Variants in SMYD3 observed in about 807,000 individuals in gnomAD.
SMYD3 encodes the protein histone-lysine N-methyltransferase SMYD3.
A neutral mutation model predicts 57.7 loss-of-function variants in SMYD3; 36 were observed. The ratio of observed to expected loss-of-function variants is 0.62; its 90% CI spans 0.48 to 0.82. The LOEUF (loss-of-function observed/expected upper bound fraction) is 0.82. Ranked by LOEUF, SMYD3 falls within the 40% of genes least tolerant of loss-of-function variation. SMYD3 has a pLI of 0.00. For synonymous variants in SMYD3, 211 were observed against 195.0 expected, an observed-to-expected ratio of 1.08 and a Z score of -0.68; for missense variants, 515 against 538.8, an observed-to-expected ratio of 0.96 and a Z score of 0.44.
chr1:246,009,691 TA>T (rs1189012458), intron 5 of SMYD3, among the ~76,000 whole-genome samples: 3 of 151,644 alleles, frequency 2.0e-5, no homozygotes, highest in Non-Finnish European at 2.9e-5. Context: ...TCTCCTTATT[TA>T]AAAAAGGAGA....
chr1:246,437,355 C>G (rs1330903673), intron 1 of SMYD3, among the ~76,000 whole-genome samples: 2 of 152,212 alleles, frequency 1.3e-5, no homozygotes, highest in African/African-American at 4.8e-5. Context: ...TGCCAGCCCA[C>G]ATGCAGCATC....
intron 5 of SMYD3, among the ~76,000 whole-genome samples, chr1:246,190,382 C>T (rs113181050): frequency 0.014 from 2,072 of 152,078 alleles, 38 homozygotes; most frequent in African/African-American, 0.046. Flanking sequence ...GTCAGGAGTT[C>T]GAGACCAGTC....
chr1:245,863,808 C>T lies in SMYD3; in HGVS notation c.892G>A (p.Ala298Thr). 6.2e-7 allele frequency: 1 copy of T among 1,613,840 alleles called. No homozygotes were observed. The highest frequency in any genetic ancestry group is 8.5e-7 in the Non-Finnish European group (1 of 1,179,760). Residue 298 changes from alanine (A) to threonine (T), a missense_variant, in exon 9 of 12, where the codon GCA becomes ACA. Coordinates refer to ENST00000490107, the MANE Select transcript of SMYD3 (RefSeq NM_001167740.2). ...ESLKKIEELK[A>T]HWKWEQVLAM... ...ACAGGCGAAAGGATACTCCAGTGTG[C>T]CTTCAGTTCTTCAATTTTTTTCAGG...
At chr1:246,308,919 TCCA>T (rs2065030946) in intron 5 of SMYD3, among the ~76,000 whole-genome samples, 2 of 152,284 alleles carry the variant, frequency 1.3e-5, no homozygotes, top group South Asian at 4.1e-4. Context: ...GATTTTATTA[TCCA>T]TCTAAAAAAT....
intron 1 of SMYD3, among the ~76,000 whole-genome samples, chr1:246,441,658 C>T (rs1035851928): frequency 2.0e-5 from 3 of 152,214 alleles, no homozygotes; most frequent in African/African-American, 7.2e-5. Flanking sequence ...GTCGTCCAGC[C>T]TGGAGTGCAG....
intron 7 of SMYD3, among the ~76,000 whole-genome samples, chr1:245,915,942 A>G (rs1331927765): frequency 6.6e-6 from 1 of 152,148 alleles, no homozygotes; most frequent in Admixed American, 6.5e-5. Flanking sequence ...AATATCAAAA[A>G]CTGTTGTATG....
At chr1:245,864,464 CTACAACATGGATGAGG>C (rs1484530382) in intron 8 of SMYD3, among the ~76,000 whole-genome samples, 3 of 152,154 alleles carry the variant, frequency 2.0e-5, no homozygotes, top group Non-Finnish European at 4.4e-5. Flanking sequence ...CTGATACCTG[CTACAACATGGATGAGG>C]CTTGAATACG....
intron 5 of SMYD3, among the ~76,000 whole-genome samples, chr1:246,229,869 T>C (rs1558332200): frequency 6.6e-6 from 1 of 152,118 alleles, no homozygotes; most frequent in Non-Finnish European, 1.5e-5. Context: ...CTTTCAAGCG[T>C]TTTGAGGTAT....
At chr1:245,926,522 G>A (rs1447994591) in intron 7 of SMYD3, among the ~76,000 whole-genome samples, 1 of 152,208 alleles carries the variant, frequency 6.6e-6, no homozygotes, top group African/African-American at 2.4e-5. Context: ...TTTGGCAAGA[G>A]GGAGGATTTG....
At chr1:246,330,392 G>A in intron 4 of SMYD3, 88 bp downstream of exon 4, 1 of 1,083,462 alleles carries the variant, frequency 9.2e-7, no homozygotes, top group Non-Finnish European at 1.3e-6. Flanking sequence ...TAAAGAAACA[G>A]AAAAACATAG....
At chr1:246,500,075 CCTG>C (rs1026227152) in intron 1 of SMYD3, among the ~76,000 whole-genome samples, 1 of 151,724 alleles carries the variant, frequency 6.6e-6, no homozygotes, top group Non-Finnish European at 1.5e-5. Flanking sequence ...GACACTGGGC[CCTG>C]CTGCTGCTGC....
intron 1 of SMYD3, among the ~76,000 whole-genome samples, chr1:246,494,148 C>G (rs1052045804): frequency 6.6e-6 from 1 of 152,186 alleles, no homozygotes; most frequent in African/African-American, 2.4e-5. Flanking sequence ...ATGGGCTCCT[C>G]AAGAGTTGTA....
At chr1:245,907,221 G>A (rs954356915) in intron 8 of SMYD3, among the ~76,000 whole-genome samples, 29 of 152,200 alleles carry the variant, frequency 1.9e-4, no homozygotes, top group African/African-American at 5.3e-4. Context: ...AAATGTAATC[G>A]GATCGTTTGT....
chr1:245,871,449 C>A (rs983201751), intron 8 of SMYD3, among the ~76,000 whole-genome samples: 10 of 152,152 alleles, frequency 6.6e-5, no homozygotes, highest in African/African-American at 1.9e-4. Context: ...AAAAATAGAG[C>A]ATTCACTGTT....
intron 1 of SMYD3, among the ~76,000 whole-genome samples, chr1:246,373,939 T>A (rs1158004425): frequency 1.3e-5 from 2 of 152,184 alleles, no homozygotes; most frequent in Non-Finnish European, 2.9e-5. Context: ...ATTCACTGAT[T>A]CATTCTTTCA....
intron 5 of SMYD3, among the ~76,000 whole-genome samples, chr1:246,160,666 G>A (rs531127036): frequency 6.6e-6 from 1 of 152,206 alleles, no homozygotes; most frequent in East Asian, 1.9e-4. Flanking sequence ...GGTGGCTGCT[G>A]TCTAACCCCA....
chr1:246,276,029 C>G (rs2064324372), intron 5 of SMYD3, among the ~76,000 whole-genome samples: 1 of 110,854 alleles, frequency 9.0e-6, no homozygotes, highest in Non-Finnish European at 1.9e-5. Context: ...CTGTTTTTCA[C>G]TAGTCGTATT....
At chr1:246,153,400 G>T (rs1008038101) in intron 5 of SMYD3, among the ~76,000 whole-genome samples, 16 of 140,122 alleles carry the variant, frequency 1.1e-4, no homozygotes, top group African/African-American at 4.1e-4. Flanking sequence ...AAACCCTGCT[G>T]GAGATAGGGA....
intron 3 of SMYD3, among the ~76,000 whole-genome samples, 184 bp from the exon 4 acceptor site, chr1:246,330,721 CT>C (rs1409071808): frequency 2.6e-4 from 40 of 152,186 alleles, no homozygotes; most frequent in African/African-American, 9.7e-4. Context: ...AAAAATCTAA[CT>C]TGTATCTTCA....
Sources: gnomAD v4.1 joint callset for allele counts (sites outside exome capture counted in the v4.1 genomes callset) on GRCh38, gnomAD v4.1.1 for gene constraint, MANE v1.5 for transcripts, NCBI Gene and HGNC (gene_info 2026-07-23, HGNC 2026-07-21) for gene names.